The following AVEN variants were observed in gnomAD, a reference collection of about 807,000 sequenced individuals.
The protein encoded by AVEN is cell death regulator Aven.
AVEN carries 41 observed loss-of-function variants against 38.1 expected under a neutral mutation model. The ratio of observed to expected loss-of-function variants is 1.08; its 90% CI spans 0.84 to 1.40. The LOEUF (loss-of-function observed/expected upper bound fraction) is 1.40, where lower values mean the gene tolerates loss of function less well. Among genes scored for constraint, AVEN ranks in the 40% most tolerant of loss-of-function variants. The pLI is 0.00. For missense variants in AVEN, 605 were observed against 438.8 expected, an observed-to-expected ratio of 1.38 and a Z score of -3.38; for synonymous variants, 206 against 171.8, an observed-to-expected ratio of 1.20 and a Z score of -1.56.
chr15:34,014,965 T>A (rs534306073), intron 1 of AVEN, among the ~76,000 whole-genome samples: 2 of 152,134 alleles, frequency 1.3e-5, no homozygotes, highest in East Asian at 1.9e-4. Context: ...GGTGCCGGAT[T>A]TGAGAAGCAG....
At chr15:33,912,635 A>G (rs1892956732) in intron 2 of AVEN, among the ~76,000 whole-genome samples, 1 of 152,172 alleles carries the variant, frequency 6.6e-6, no homozygotes, top group South Asian at 2.1e-4. Context: ...GAGCTGTTCT[A>G]ATCTTAGCTC....
chr15:33,971,378 C>A (rs1164710000), intron 2 of AVEN, among the ~76,000 whole-genome samples: 1 of 152,034 alleles, frequency 6.6e-6, no homozygotes, highest in Non-Finnish European at 1.5e-5. Flanking sequence ...GCTGCCATAT[C>A]CTTATAATAA....
At chr15:33,868,854 A>G (rs1190254902) in intron 4 of AVEN, among the ~76,000 whole-genome samples, 1 of 152,138 alleles carries the variant, frequency 6.6e-6, no homozygotes, top group Non-Finnish European at 1.5e-5. Flanking sequence ...CATTCCATGT[A>G]TACTTACATG....
rs764982641 is a variant in AVEN at position 34,038,766 on chromosome 15, C to T, written c.267+14G>A. ...TTACACGCGGTCCCAGCCCCACCAG[C>T]CGTCGCCTCTTACCGGCGCGCTGGC... On this transcript the variant is annotated intron_variant, in intron 1 of 5. Transcript: ENST00000306730. 285 of 1,167,126 alleles carry T rather than the reference C, an allele frequency of 2.4e-4. No homozygotes were observed. The highest frequency in any genetic ancestry group is 2.9e-4 in the Non-Finnish European group (278 of 948,114). 72.3% of individuals were successfully genotyped at this position (1,167,126 alleles called of 1,614,324 possible).
Position 33,867,547 on chromosome 15 carries a change from CG to C in AVEN, c.920del (p.Thr307SerfsTer5). The stretch of plus-strand genomic sequence containing the variant: ...CTTCCTTGGATTTCAGGTCCTGAGA[CG>C]TCTGATCTGGTAAGATGTTATCTCC... ...KEGDNILPDQ[T>X]SQDLKSKEDG... On this transcript the variant is annotated frameshift_variant, in exon 5 of 6. Coordinates refer to ENST00000306730, the MANE Select transcript of AVEN (RefSeq NM_020371.3). LOFTEE classifies it high-confidence loss of function. 1 of 1,611,384 alleles carries C rather than the reference CG, an allele frequency of 6.2e-7. No individual in the cohort carries two copies. The highest frequency in any genetic ancestry group is 1.3e-5 in the African/African-American group (1 of 74,976).
chr15:33,963,548 G>C (rs1657120691), intron 2 of AVEN, among the ~76,000 whole-genome samples: 1 of 152,080 alleles, frequency 6.6e-6, no homozygotes, highest in African/African-American at 2.4e-5. Flanking sequence ...TATAATCCTA[G>C]CACTTTGGGA....
chr15:33,885,579 C>G (rs1338179441), intron 2 of AVEN: 1 of 152,172 alleles, frequency 6.6e-6, no homozygotes, highest in Admixed American at 6.5e-5. Context: ...TAATAAAAAT[C>G]TCTCCTCCTG....
intron 2 of AVEN, among the ~76,000 whole-genome samples, chr15:33,932,284 A>C (rs563604918): frequency 9.4e-4 from 143 of 152,320 alleles, no homozygotes; most frequent in African/African-American, 3.3e-3. Flanking sequence ...AAACAGCAAG[A>C]GTCTCCATGT....
intron 2 of AVEN, among the ~76,000 whole-genome samples, chr15:33,916,012 G>A (rs1305521782): frequency 1.3e-5 from 2 of 152,002 alleles, no homozygotes; most frequent in East Asian, 1.9e-4. Context: ...CACAGCAGCC[G>A]CAGCAAGCCC....
At chr15:33,933,524 CAGAGAGAGAGAGAG>C (rs3086294) in intron 2 of AVEN, among the ~76,000 whole-genome samples, 1,126 of 46,360 alleles carry the variant, frequency 0.024, 22 homozygotes, top group East Asian at 0.065. Flanking sequence ...CACACACACA[CAGAGAGAGAGAGAG>C]AGAGAGAGAG....
Position 33,971,743 on chromosome 15 carries a change from T to A in AVEN, c.445+31289A>T, listed in dbSNP as rs1895648249. ...TTTTCATTCCATTATAATGGCACCG[T>A]GTTTCAAGCTTAATTCAACTGGGCA... On this transcript the variant is annotated intron_variant, in intron 2 of 5. Transcript: ENST00000306730. Among the ~76,000 whole-genome samples the A allele has an allele frequency of 2.0e-5, 3 of 152,142 alleles. No homozygotes were observed. The South Asian group carries it at 6.2e-4, about 31-fold the overall frequency.
intron 2 of AVEN, chr15:33,972,080 G>C (rs984036761): frequency 2.0e-5 from 3 of 152,030 alleles, no homozygotes; most frequent in African/African-American, 7.2e-5. Context: ...TGCTTTTATT[G>C]CATTTGTCAC....
chr15:33,867,774 G>T lies in AVEN; in HGVS notation c.694C>A (p.Pro232Thr). 2.5e-6 allele frequency: 4 copies of T among 1,614,102 alleles called. No individual in the cohort carries two copies. Among genetic ancestry groups the T allele is most frequent in the Non-Finnish European group, 3.4e-6 (4 of 1,180,018 alleles). ...GGCCCCCTTCCTCCAGGCCCCAAGGGCCCCTTTAACTGCATCCCTAATCCC... is the reference window on the plus strand; with the variant it reads ...GGCCCCCTTCCTCCAGGCCCCAAGGTCCCCTTTAACTGCATCCCTAATCCC... The part of the protein sequence containing the change: ...GKGLGMQLKG[P>T]LGPGGRGPIF... Residue 232 changes from proline (P) to threonine (T), a missense_variant, in exon 5 of 6, where the codon CCC becomes ACC. By Grantham distance (38) the Pro-to-Thr change is conservative. Coordinates refer to ENST00000306730, the MANE Select transcript of AVEN (RefSeq NM_020371.3).
intron 2 of AVEN, among the ~76,000 whole-genome samples, chr15:33,997,764 C>A (rs146853555): frequency 2.0e-3 from 303 of 152,274 alleles, no homozygotes; most frequent in African/African-American, 6.9e-3. Flanking sequence ...TTCCCTCTCT[C>A]ATTTCATTGC....
At chr15:33,861,577 G>C (rs745705829), downstream of AVEN, among the ~76,000 whole-genome samples, 1 of 151,332 alleles carries the variant, frequency 6.6e-6, no homozygotes, top group Non-Finnish European at 1.5e-5. Context: ...ACAATTGAAA[G>C]CTGTCCATGC....
At chr15:33,975,543 T>G (rs971549982) in intron 2 of AVEN, among the ~76,000 whole-genome samples, 1 of 152,198 alleles carries the variant, frequency 6.6e-6, no homozygotes, top group Admixed American at 6.5e-5. Context: ...TCTCAAAAAA[T>G]TATTTGCAAT....
rs532493358 is a variant in AVEN, at chr15:34,021,597, G to A, written c.267+17183C>T. On this transcript the variant is annotated intron_variant, in intron 1 of 5. Coordinates refer to ENST00000306730, the MANE Select transcript of AVEN (RefSeq NM_020371.3). ...TGGCCGTGTAAGGTGGCTCATGCCTGTAATCCCAGCACTTTGGGAGGCCAA... is the reference window on the plus strand; with the variant it reads ...TGGCCGTGTAAGGTGGCTCATGCCTATAATCCCAGCACTTTGGGAGGCCAA... Among the ~76,000 whole-genome samples, 19 of 152,264 alleles carry A rather than the reference G, an allele frequency of 1.2e-4. No homozygotes were observed. The South Asian group carries it at 3.7e-3, about 30-fold the overall frequency.
chr15:33,979,124 A>G (rs1051948288), intron 2 of AVEN, among the ~76,000 whole-genome samples: 1 of 152,174 alleles, frequency 6.6e-6, no homozygotes, highest in Non-Finnish European at 1.5e-5. Context: ...TATCAATTTG[A>G]TTATAGCTTA....
intron 2 of AVEN, among the ~76,000 whole-genome samples, chr15:33,943,764 G>C (rs1464093875): frequency 7.2e-6 from 1 of 139,724 alleles, no homozygotes; most frequent in East Asian, 2.2e-4. Context: ...GGCAGAGATT[G>C]CTGTGACTTA....
Sources: gnomAD v4.1 joint callset for allele counts (sites outside exome capture counted in the v4.1 genomes callset) on GRCh38, gnomAD v4.1.1 for gene constraint, MANE v1.5 for transcripts, NCBI Gene and HGNC (gene_info 2026-07-23, HGNC 2026-07-21) for gene names.